TPRG1: variants seen among roughly 807,000 people sequenced by gnomAD.
The protein encoded by TPRG1 is tumor protein p63 regulated 1, also known as tumor protein p63-regulated gene 1 protein.
In TPRG1, 29 loss-of-function variants were observed where a neutral mutation model predicts 29.3. That is an observed-to-expected ratio of 0.99 (90% CI 0.74 to 1.35). The LOEUF is 1.35. TPRG1 is among the 40% of genes most tolerant of loss of function. The pLI is 0.00. For synonymous variants in TPRG1, 130 were observed against 116.8 expected (o/e 1.11, Z -0.73); for missense variants, 327 against 335.0 (o/e 0.98, Z 0.19).
chr3:189,045,471 G>C (rs982216728), intron 4 of TPRG1, among the ~76,000 whole-genome samples: 1 of 152,228 alleles, frequency 6.6e-6, no homozygotes, highest in South Asian at 2.1e-4. Context: ...CTTGGAATTA[G>C]ATGTCTGGAC....
At chr3:189,158,287 G>A (rs1219018797) in intron 5 of TPRG1, among the ~76,000 whole-genome samples, 2 of 152,132 alleles carry the variant, frequency 1.3e-5, no homozygotes, top group Admixed American at 6.5e-5. Context: ...GGGGAACTGA[G>A]CGGTTGAGGG....
At chr3:189,017,579 A>G (rs868231626) in intron 3 of TPRG1, among the ~76,000 whole-genome samples, 2 of 152,208 alleles carry the variant, frequency 1.3e-5, no homozygotes, top group Non-Finnish European at 2.9e-5. Flanking sequence ...TTATGGCTGC[A>G]TAGTATTCCA....
chr3:189,190,346 C>G (rs961693929), intron 1 of TPRG1, among the ~76,000 whole-genome samples: 9 of 152,292 alleles, frequency 5.9e-5, no homozygotes, highest in Middle Eastern at 3.4e-3. Flanking sequence ...AATTCTGGCC[C>G]TGTGAGCTTC....
intron 4 of TPRG1, among the ~76,000 whole-genome samples, chr3:189,281,344 T>G (rs1717087724): frequency 6.6e-6 from 1 of 152,092 alleles, no homozygotes; most frequent in South Asian, 2.1e-4. Context: ...CTTTATTGAT[T>G]AAAAAAATGG....
At chr3:189,166,729 T>A (rs2108647129) in intron 5 of TPRG1, among the ~76,000 whole-genome samples, 1 of 152,340 alleles carries the variant, frequency 6.6e-6, no homozygotes, top group South Asian at 2.1e-4. Flanking sequence ...CTTCTTTAAT[T>A]TCTTCCCTGA....
At chr3:189,135,804 A>T (rs1033241091) in intron 3 of TPRG1, among the ~76,000 whole-genome samples, 1 of 151,926 alleles carries the variant, frequency 6.6e-6, no homozygotes, top group Non-Finnish European at 1.5e-5. Context: ...ACATCTGTCC[A>T]CCCCTCTTTG....
At position 189,080,981 on chromosome 3, in the gene TPRG1, G is replaced by T. The variant is rs117196809; in HGVS notation, c.-462-46076G>T. 1.3e-4 allele frequency among the ~76,000 whole-genome samples: 20 copies of T among 152,238 alleles called. No homozygotes were observed. In the East Asian group the frequency reaches 3.9e-3, roughly 29 times the overall value. ...AGATAAGTTACACGTGGGCCAGCTA[G>T]AGTCTTGTCAAGGGATTGGCAGCAG... On this transcript the variant is annotated intron_variant, in intron 4 of 10. Coordinates refer to the TPRG1 transcript ENST00000433971.
At chr3:189,105,064 C>T (rs1055615868) in intron 1 of TPRG1, among the ~76,000 whole-genome samples, 3 of 152,116 alleles carry the variant, frequency 2.0e-5, no homozygotes, top group African/African-American at 7.2e-5. Flanking sequence ...AATTTCTTTT[C>T]ATGGCTCAGT....
chr3:189,019,617 T>C (rs1713173924), intron 3 of TPRG1, among the ~76,000 whole-genome samples: 1 of 152,228 alleles, frequency 6.6e-6, no homozygotes, highest in Admixed American at 6.5e-5. Flanking sequence ...TTTGATGTGC[T>C]GCTGGATTTG....
intron 4 of TPRG1, among the ~76,000 whole-genome samples, chr3:189,244,974 G>C (rs1238695845): frequency 6.6e-6 from 1 of 152,156 alleles, no homozygotes; most frequent in African/African-American, 2.4e-5. Context: ...AAGCTGGAGT[G>C]CAACGGTATG....
chr3:189,125,866 TGTGTG>T (rs1722415461), intron 1 of TPRG1, among the ~76,000 whole-genome samples: 1 of 113,734 alleles, frequency 8.8e-6, no homozygotes, highest in African/African-American at 4.1e-5. Flanking sequence ...TGTGTGTGTG[TGTGTG>T]TTTGGTATAT....
intron 5 of TPRG1, among the ~76,000 whole-genome samples, chr3:189,158,047 GA>G (rs1180267468): frequency 3.3e-5 from 5 of 152,072 alleles, no homozygotes; most frequent in Non-Finnish European, 5.9e-5. Flanking sequence ...TTCTCACGGG[GA>G]GCACGTTTAT....
chr3:189,131,103 A>G (rs574913722), intron 2 of TPRG1, among the ~76,000 whole-genome samples: 1 of 152,302 alleles, frequency 6.6e-6, no homozygotes, highest in East Asian at 1.9e-4. Flanking sequence ...TTGGCAGCAT[A>G]ATTAGTAATA....
At chr3:189,096,633 T>G (rs1415627964), upstream of TPRG1, among the ~76,000 whole-genome samples, 2 of 152,232 alleles carry the variant, frequency 1.3e-5, no homozygotes, top group Admixed American at 6.5e-5. Flanking sequence ...GTTAGTTAGA[T>G]CTATTCATAT....
chr3:189,111,472 G>A (rs979505210), intron 1 of TPRG1, among the ~76,000 whole-genome samples: 21 of 152,154 alleles, frequency 1.4e-4, no homozygotes, highest in African/African-American at 4.6e-4. Flanking sequence ...CATCATAAAT[G>A]GAGGGGCTTC....
intron 1 of TPRG1, among the ~76,000 whole-genome samples, chr3:189,200,712 C>T (rs1311122164): frequency 6.6e-6 from 1 of 152,140 alleles, no homozygotes; most frequent in Non-Finnish European, 1.5e-5. Context: ...CTGTGGTTAC[C>T]GTAATTTCAT....
chr3:189,278,676 C>G (rs997000074), intron 4 of TPRG1, among the ~76,000 whole-genome samples: 1 of 152,188 alleles, frequency 6.6e-6, no homozygotes, highest in African/African-American at 2.4e-5. Flanking sequence ...GAAAACATCT[C>G]CTATGCTTCT....
At chr3:189,114,889 A>C (rs747051603) in intron 1 of TPRG1, among the ~76,000 whole-genome samples, 16 of 152,350 alleles carry the variant, frequency 1.1e-4, no homozygotes, top group African/African-American at 3.8e-4. Context: ...GAAAATCTCA[A>C]CTACAACAGG....
chr3:189,058,093 C>T (rs952908699), intron 4 of TPRG1, among the ~76,000 whole-genome samples: 4 of 151,996 alleles, frequency 2.6e-5, no homozygotes, highest in Non-Finnish European at 4.4e-5. Flanking sequence ...CCAATTTGGG[C>T]TGGGATATCC....
Sources: allele counts gnomAD v4.1 joint callset (sites outside exome capture counted in the v4.1 genomes callset), GRCh38; gene constraint gnomAD v4.1.1; transcripts MANE v1.5; gene names NCBI Gene and HGNC (gene_info 2026-07-23, HGNC 2026-07-21).